DENND1A: variants seen among roughly 807,000 people sequenced by gnomAD.
DENND1A encodes the protein DENN domain-containing protein 1A.
DENND1A carries 51 observed loss-of-function variants against 113.7 expected under a neutral mutation model. The ratio of observed to expected loss-of-function variants is 0.45; its 90% CI spans 0.36 to 0.57. DENND1A has a LOEUF of 0.57. Ranked by LOEUF, DENND1A falls within the 20% of genes least tolerant of loss-of-function variation. The pLI is 0.00. For missense variants in DENND1A, 1,258 were observed against 1,395.9 expected, an observed-to-expected ratio of 0.90 and a Z score of 1.57; for synonymous variants, 565 against 570.8, an observed-to-expected ratio of 0.99 and a Z score of 0.14.
intron 13 of DENND1A, among the ~76,000 whole-genome samples, chr9:123,534,125 C>T (rs187963340): frequency 6.6e-6 from 1 of 152,344 alleles, no homozygotes; most frequent in East Asian, 1.9e-4. Flanking sequence ...ACACAATGAG[C>T]ATCTGCGAAC....
chr9:123,721,414 T>C (rs1191627708), intron 5 of DENND1A, among the ~76,000 whole-genome samples: 1 of 152,196 alleles, frequency 6.6e-6, no homozygotes, highest in East Asian at 1.9e-4. Context: ...TGCTCTGCCT[T>C]CTCTCCCATT....
At chr9:123,567,381 G>C (rs532788475) in intron 12 of DENND1A, among the ~76,000 whole-genome samples, 1 of 152,204 alleles carries the variant, frequency 6.6e-6, no homozygotes, top group East Asian at 1.9e-4. Context: ...AAACTGATAT[G>C]CACTTGCAAA....
chr9:123,410,349 C>T (rs2044208377), intron 20 of DENND1A, among the ~76,000 whole-genome samples: 2 of 152,228 alleles, frequency 1.3e-5, no homozygotes, highest in Admixed American at 6.5e-5. Context: ...TCCTGTCCCC[C>T]AAAGCAGTTT....
intron 2 of DENND1A, among the ~76,000 whole-genome samples, chr9:123,832,990 C>T (rs769718091): frequency 1.3e-5 from 2 of 151,760 alleles, no homozygotes; most frequent in Non-Finnish European, 2.9e-5. Flanking sequence ...TCCGGGGGAG[C>T]GGTCCATGCC....
intron 2 of DENND1A, among the ~76,000 whole-genome samples, chr9:123,833,912 T>G (rs1840669915): frequency 1.3e-5 from 2 of 152,036 alleles, no homozygotes; most frequent in Non-Finnish European, 2.9e-5. Context: ...AAAAATTAGC[T>G]GGGCATGGTG....
intron 13 of DENND1A, among the ~76,000 whole-genome samples, chr9:123,465,890 T>C (rs1367615002): frequency 6.6e-6 from 1 of 152,252 alleles, no homozygotes; most frequent in African/African-American, 2.4e-5. Flanking sequence ...CTAACTCATA[T>C]GTACAATTGT....
intron 2 of DENND1A, among the ~76,000 whole-genome samples, chr9:123,829,323 T>C (rs1839847509): frequency 6.6e-6 from 1 of 151,726 alleles, no homozygotes; most frequent in Non-Finnish European, 1.5e-5. Context: ...AAATTACACA[T>C]GACATGAAAT....
chr9:123,707,310 C>A (rs1417875809), intron 5 of DENND1A, among the ~76,000 whole-genome samples: 1 of 151,946 alleles, frequency 6.6e-6, no homozygotes, highest in African/African-American at 2.4e-5. Flanking sequence ...AGGAGAATCA[C>A]TTGAACCTGG....
intron 13 of DENND1A, among the ~76,000 whole-genome samples, chr9:123,488,819 A>C (rs1435309276): frequency 6.6e-6 from 1 of 152,164 alleles, no homozygotes; most frequent in Non-Finnish European, 1.5e-5. Context: ...GGTGCGCTTG[A>C]AAACAGGCAC....
chr9:123,880,169 C>T (rs760791687), intron 1 of DENND1A, among the ~76,000 whole-genome samples: 17 of 152,098 alleles, frequency 1.1e-4, no homozygotes, highest in Non-Finnish European at 1.9e-4. Context: ...CACACCACCA[C>T]GCCCAGCTAA....
At chr9:123,506,698 G>A (rs1236018926) in intron 13 of DENND1A, among the ~76,000 whole-genome samples, 2 of 150,392 alleles carry the variant, frequency 1.3e-5, no homozygotes, top group African/African-American at 4.9e-5. Context: ...TTTCACAAAC[G>A]AGGAAATAGG....
chr9:123,619,748 T>C (rs937598732), intron 10 of DENND1A, among the ~76,000 whole-genome samples: 1 of 152,126 alleles, frequency 6.6e-6, no homozygotes, highest in African/African-American at 2.4e-5. Flanking sequence ...AGGGTGAATT[T>C]TGTGGTATGT....
At chr9:123,826,040 T>G (rs991036105) in intron 2 of DENND1A, among the ~76,000 whole-genome samples, 2 of 152,252 alleles carry the variant, frequency 1.3e-5, no homozygotes, top group Non-Finnish European at 2.9e-5. Flanking sequence ...AGAGCAGAGC[T>G]ATAACCAAAA....
chr9:123,395,094 G>A lies in DENND1A; in HGVS notation c.1632-7236C>T, dbSNP rs1424320012. Among the ~76,000 whole-genome samples the A allele has an allele frequency of 2.0e-5, 3 of 152,188 alleles. No homozygotes were observed. In the East Asian group the frequency reaches 5.8e-4, roughly 29 times the overall value. ...ATTGCTGGGCACAAAACAGGCAGTT[G>A]AGAAATGGCGATGTGGCATCTGGAA... On this transcript the variant is annotated intron_variant, in intron 21 of 23. Transcript: ENST00000394215.
intron 2 of DENND1A, among the ~76,000 whole-genome samples, chr9:123,793,874 A>C (rs984113954): frequency 3.3e-5 from 5 of 152,240 alleles, no homozygotes; most frequent in Admixed American, 2.6e-4. Flanking sequence ...TCTCGAAATG[A>C]GTGGTGCAAA....
At chr9:123,456,433 C>T (rs1402618203) in intron 15 of DENND1A, among the ~76,000 whole-genome samples, 2 of 152,180 alleles carry the variant, frequency 1.3e-5, no homozygotes, top group Non-Finnish European at 2.9e-5. Context: ...GCCTTAGATG[C>T]CTCCTCTGAA....
chr9:123,657,928 G>C (rs1485145689), intron 8 of DENND1A, among the ~76,000 whole-genome samples: 1 of 151,772 alleles, frequency 6.6e-6, no homozygotes, highest in Non-Finnish European at 1.5e-5. Flanking sequence ...TTACTCAGAG[G>C]TCAACTTTCA....
intron 11 of DENND1A, among the ~76,000 whole-genome samples, chr9:123,591,923 A>G (rs1471642971): frequency 2.0e-5 from 3 of 152,254 alleles, no homozygotes; most frequent in African/African-American, 7.2e-5. Context: ...AAAGCCAGAT[A>G]GGAGTTAACA....
chr9:123,545,734 T>C (rs956051002), intron 13 of DENND1A, among the ~76,000 whole-genome samples: 5 of 152,140 alleles, frequency 3.3e-5, no homozygotes, highest in Non-Finnish European at 5.9e-5. Flanking sequence ...CCCAAAGTGC[T>C]GGGATTACAG....
Sources: allele counts gnomAD v4.1 joint callset (sites outside exome capture counted in the v4.1 genomes callset), GRCh38; gene constraint gnomAD v4.1.1; transcripts MANE v1.5; gene names NCBI Gene and HGNC (gene_info 2026-07-23, HGNC 2026-07-21).